Variants in SMG6 observed in about 807,000 individuals in gnomAD.
SMG6 encodes telomerase-binding protein EST1A.
In SMG6, 66 loss-of-function variants were observed where a neutral mutation model predicts 142.2. The observed-to-expected ratio is 0.46, with a 90% confidence interval of 0.38 to 0.57. The LOEUF (loss-of-function observed/expected upper bound fraction) is 0.57, where lower values mean the gene tolerates loss of function less well. Ranked by LOEUF, SMG6 falls within the 20% of genes least tolerant of loss-of-function variation. The pLI, the probability that SMG6 is intolerant of heterozygous loss-of-function variation, is 0.00. For synonymous variants in SMG6, 779 were observed against 702.4 expected (o/e 1.11, Z -1.72); for missense variants, 1,793 against 1,832.0 (o/e 0.98, Z 0.39).
chr17:2,126,812 G>T (rs768642280), intron 13 of SMG6, among the ~76,000 whole-genome samples: 14 of 152,028 alleles, frequency 9.2e-5, no homozygotes, highest in Admixed American at 4.6e-4. Context: ...AGCACTTTGG[G>T]AGGCTATGGT....
chr17:2,228,269 C>T (rs1338595928), intron 10 of SMG6, among the ~76,000 whole-genome samples: 7 of 151,920 alleles, frequency 4.6e-5, no homozygotes, highest in African/African-American at 1.7e-4. Context: ...CTGTTTGTTG[C>T]CCAGGCTGGA....
At chr17:2,155,874 G>A (rs1031091807) in intron 13 of SMG6, among the ~76,000 whole-genome samples, 4 of 152,034 alleles carry the variant, frequency 2.6e-5, no homozygotes, top group African/African-American at 4.8e-5. Context: ...TAATCCACAC[G>A]CTCCTGATCC....
intron 10 of SMG6, among the ~76,000 whole-genome samples, chr17:2,193,192 C>A (rs1035736595): frequency 3.3e-5 from 5 of 152,144 alleles, no homozygotes; most frequent in African/African-American, 1.2e-4. Context: ...GTGGTAGTGG[C>A]TGAATTCTTG....
Position 2,060,931 on chromosome 17 carries a change from A to G in SMG6, c.*561T>C, listed in dbSNP as rs2067755377. On this transcript the variant is annotated 3_prime_UTR_variant, in exon 19 of 19. Transcript: ENST00000263073. ...GGGGCCCAGGGCTGCTGTTAGGGACATGCTGTCTAGAAGCCGACTTGGGTT... is the reference window on the plus strand; with the variant it reads ...GGGGCCCAGGGCTGCTGTTAGGGACGTGCTGTCTAGAAGCCGACTTGGGTT... 6.5e-6 allele frequency: 1 copy of G among 153,732 alleles called. No homozygotes were observed. The highest frequency in any genetic ancestry group is 1.4e-5 in the Non-Finnish European group (1 of 69,136). 9.5% of individuals were successfully genotyped at this position (153,732 alleles called of 1,614,324 possible).
In SMG6 at chr17:2,085,678, G is replaced by T. The variant is rs757307027; in HGVS notation, c.3534+47C>A. Reference sequence around the variant, plus strand: ...AAAAGCTGAAGCCACGAGCAGAATGGGGAGGGGGCCTTCCCTCTGCCACAG... The same window carrying T: ...AAAAGCTGAAGCCACGAGCAGAATGTGGAGGGGGCCTTCCCTCTGCCACAG... On this transcript the variant is annotated intron_variant, in intron 14 of 18. Transcript: ENST00000263073. The surrounding 1 kb of genome is among the most constrained non-coding windows in gnomAD (Gnocchi z 4.1). 6.4e-7 allele frequency: 1 copy of T among 1,562,610 alleles called. No homozygotes were observed. The highest frequency in any genetic ancestry group is 1.2e-5 in the South Asian group (1 of 86,556).
chr17:2,087,515 A>AC, intron 13 of SMG6: 1 of 1,035,884 alleles, frequency 9.7e-7, no homozygotes, highest in Non-Finnish European at 1.2e-6. Flanking sequence ...AAGTACTTTG[A>AC]CCACCTTCAC....
chr17:2,205,919 G>A (rs1014341759), intron 10 of SMG6, among the ~76,000 whole-genome samples: 1 of 151,978 alleles, frequency 6.6e-6, no homozygotes, highest in Non-Finnish European at 1.5e-5. Context: ...AGCAATTCCC[G>A]TGCCTCAGCC....
chr17:2,300,027 C>T lies in SMG6; in HGVS notation c.726G>A (p.Lys242=), dbSNP rs142112207. The stretch of plus-strand genomic sequence containing the variant: ...TTCGTTTGTCTGAGCGGGAGTAGCG[C>T]TTTGCGGAGCCCGGCCTCCCGCGGG... The part of the protein sequence containing the change: ...DPARGRPGSA[K]RYSRSDKRRN... Residue 242 remains lysine, a synonymous_variant, in exon 2 of 19, where the codon AAG becomes AAA. Coordinates refer to ENST00000263073, the MANE Select transcript of SMG6 (RefSeq NM_017575.5). 6.4e-4 allele frequency: 1,031 copies of T among 1,614,214 alleles called. 6 individuals carry two copies. In the African/African-American group the frequency reaches 0.012, roughly 18 times the overall value.
intron 13 of SMG6, among the ~76,000 whole-genome samples, chr17:2,116,178 T>TTCCCACTTCAGCC (rs1370673839): frequency 1.3e-5 from 2 of 152,108 alleles, no homozygotes; most frequent in African/African-American, 4.8e-5. Flanking sequence ...CCAAGCAGTC[T>TTCCCACTTCAGCC]TCCCACTTCA....
chr17:2,173,296 C>T, intron 12 of SMG6: 1 of 209,406 alleles, frequency 4.8e-6, no homozygotes. Flanking sequence ...CCTCCAGCCA[C>T]AGCCATGGAG....
chr17:2,150,586 A>C (rs2070796298), intron 13 of SMG6, among the ~76,000 whole-genome samples: 1 of 151,992 alleles, frequency 6.6e-6, no homozygotes. Context: ...GCTCACCTCT[A>C]GGTGGTTATG....
chr17:2,294,077 A>G (rs1567756757), intron 4 of SMG6, among the ~76,000 whole-genome samples: 1 of 152,238 alleles, frequency 6.6e-6, no homozygotes, highest in Non-Finnish European at 1.5e-5. Context: ...ATCACTGAAT[A>G]AAGAACAAAG....
At chr17:2,157,939 A>T (rs2071058228) in intron 13 of SMG6, among the ~76,000 whole-genome samples, 4 of 152,220 alleles carry the variant, frequency 2.6e-5, no homozygotes, top group Non-Finnish European at 5.9e-5. Context: ...CCACCAGTAG[A>T]ACCTGGCCCA....
intron 12 of SMG6, among the ~76,000 whole-genome samples, chr17:2,186,406 G>GC (rs1226956102): frequency 6.6e-6 from 1 of 152,138 alleles, no homozygotes; most frequent in African/African-American, 2.4e-5. Flanking sequence ...GGGAACGAGA[G>GC]CAAGAACAAA....
chr17:2,242,120 G>A lies in SMG6; in HGVS notation c.2723+2538C>T, dbSNP rs903174781. Among the ~76,000 whole-genome samples the A allele has an allele frequency of 2.6e-5, 4 of 152,186 alleles. No individual in the cohort carries two copies. The East Asian group carries it at 7.7e-4, about 29-fold the overall frequency. On this transcript the variant is annotated intron_variant, in intron 9 of 18. Coordinates refer to ENST00000263073, the MANE Select transcript of SMG6 (RefSeq NM_017575.5). ...GGAAATCCTGACTTAGGGCAACATG[G>A]TACGGGAAAATTTAAAGAACAAACA...
At position 2,219,888 on chromosome 17, in the gene SMG6, C is replaced by G. The variant is rs1319916527; in HGVS notation, c.2869+16604G>C. 2.0e-5 allele frequency among the ~76,000 whole-genome samples: 3 copies of G among 151,640 alleles called. No individual in the cohort carries two copies. The East Asian group carries it at 5.8e-4, about 29-fold the overall frequency. On this transcript the variant is annotated intron_variant, in intron 10 of 18. Transcript: ENST00000263073. ...ATCAAAAGTATTAAGATGCCAAAAC[C>G]CCTTCACCCAACAACCAAACTTCTA...
At chr17:2,179,582 G>GT (rs35841700) in intron 12 of SMG6, among the ~76,000 whole-genome samples, 223 of 147,760 alleles carry the variant, frequency 1.5e-3, no homozygotes, top group Middle Eastern at 6.9e-3. Flanking sequence ...AATTTCTAGA[G>GT]TTTTTTTTTT....
chr17:2,279,989 A>G lies in SMG6; in HGVS notation c.2661+2658T>C, dbSNP rs573597950. On this transcript the variant is annotated intron_variant, in intron 8 of 18. Transcript: ENST00000263073. Reference sequence around the variant, plus strand: ...TTGCCTTTATCACAGTACTTACCACACGGAACTATAATGACACACCTATGT... The same window carrying G: ...TTGCCTTTATCACAGTACTTACCACGCGGAACTATAATGACACACCTATGT... Among the ~76,000 whole-genome samples the G allele has an allele frequency of 4.6e-5, 7 of 152,174 alleles. No homozygotes were observed. In the East Asian group the frequency reaches 5.8e-4, roughly 13 times the overall value.
At chr17:2,287,654 C>A (rs1297344868) in intron 6 of SMG6, among the ~76,000 whole-genome samples, 2 of 152,126 alleles carry the variant, frequency 1.3e-5, no homozygotes, top group Non-Finnish European at 2.9e-5. Flanking sequence ...ATCCAAGTAT[C>A]CATCAATGGG....
Sources: allele counts gnomAD v4.1 joint callset (sites outside exome capture counted in the v4.1 genomes callset), GRCh38; gene constraint gnomAD v4.1.1; non-coding constraint Gnocchi (gnomAD v3.1); transcripts MANE v1.5; gene names NCBI Gene and HGNC (gene_info 2026-07-23, HGNC 2026-07-21).